HDAC4: variants seen among roughly 807,000 people sequenced by gnomAD.
The protein encoded by HDAC4 is histone deacetylase 4, also known as histone deacetylase A.
Under a neutral mutation model 135.1 loss-of-function variants are expected in HDAC4, and 16 were observed. The ratio of observed to expected loss-of-function variants is 0.12; its 90% CI spans 0.08 to 0.18. The LOEUF is 0.18. HDAC4 is among the 10% of genes least tolerant of loss of function. The pLI is 1.00. For synonymous variants in HDAC4, 685 were observed against 653.4 expected, an observed-to-expected ratio of 1.05 and a Z score of -0.74; for missense variants, 1,143 against 1,511.8, an observed-to-expected ratio of 0.76 and a Z score of 4.05.
chr2:239,227,444 AG>A (rs1575463256), intron 3 of HDAC4, among the ~76,000 whole-genome samples: 1 of 152,156 alleles, frequency 6.6e-6, no homozygotes, highest in Non-Finnish European at 1.5e-5. Context: ...GGGACCGGGC[AG>A]CCCCCAGCGG....
intron 3 of HDAC4, among the ~76,000 whole-genome samples, chr2:239,193,321 G>A (rs1251490921): frequency 2.0e-5 from 3 of 152,220 alleles, no homozygotes; most frequent in East Asian, 1.9e-4. Flanking sequence ...TTTAAAAACC[G>A]AACATAAAAC....
intron 3 of HDAC4, among the ~76,000 whole-genome samples, chr2:239,190,813 A>G (rs59173578): frequency 0.04 from 6,081 of 152,344 alleles, 404 homozygotes; most frequent in African/African-American, 0.14. Flanking sequence ...GAGGAACAGA[A>G]GCTGAATCAA....
At chr2:239,212,263 G>A (rs887761505) in intron 3 of HDAC4, among the ~76,000 whole-genome samples, 2 of 152,042 alleles carry the variant, frequency 1.3e-5, no homozygotes, top group African/African-American at 4.8e-5. Flanking sequence ...TTCTACCCAC[G>A]GCCTCCTGGC....
At chr2:239,062,244 C>T (rs576348858) in intron 24 of HDAC4, among the ~76,000 whole-genome samples, 38 of 152,386 alleles carry the variant, frequency 2.5e-4, no homozygotes, top group East Asian at 7.7e-4. Flanking sequence ...GCTCTGATAG[C>T]GGGGACGCCA....
At chr2:239,298,252 C>T (rs1362898484) in intron 2 of HDAC4, 6 of 1,286,910 alleles carry the variant, frequency 4.7e-6, no homozygotes, top group Non-Finnish European at 4.1e-6. Context: ...CAAATCCAGG[C>T]TTGACGACAG....
rs1401754368 is a variant in HDAC4 at position 239,141,597 on chromosome 2, C to T, written c.866-1801G>A. ...AAGCAGGACCCGCCTTCTCCAGGCC[C>T]CTCCAACTCTCCCATCTCTGCCCCA... On this transcript the variant is annotated intron_variant, in intron 8 of 26. Transcript: ENST00000543185. This position sits in a 1 kb window ranked among gnomAD's most constrained non-coding sequence, Gnocchi z 4.9. 6.6e-6 allele frequency among the ~76,000 whole-genome samples: 1 copy of T among 152,142 alleles called. No individual in the cohort carries two copies. The highest frequency in any genetic ancestry group is 1.5e-5 in the Non-Finnish European group (1 of 68,022).
At chr2:239,097,895 G>A (rs1429701368) in intron 16 of HDAC4, among the ~76,000 whole-genome samples, 4 of 152,218 alleles carry the variant, frequency 2.6e-5, no homozygotes, top group Non-Finnish European at 4.4e-5. Flanking sequence ...CGTGGGCCAC[G>A]TCCTTCCATC....
chr2:239,273,478 C>A (rs1017557536), intron 2 of HDAC4, among the ~76,000 whole-genome samples: 2 of 152,208 alleles, frequency 1.3e-5, no homozygotes, highest in African/African-American at 2.4e-5. Context: ...TTCCTCTCTG[C>A]AGAAGTCTTT....
At position 239,053,620 on chromosome 2, in the gene HDAC4, G is replaced by C; in HGVS notation, c.3089-19C>G. On this transcript the variant is annotated intron_variant, in intron 25 of 26. Coordinates refer to ENST00000543185, the MANE Select transcript of HDAC4 (RefSeq NM_001378414.1). ...TACTTGCCTGGGGTGGTGGGGTGAGGAAAGTCGCTCAGTGACTACAACTTA... is the reference window on the plus strand; with the variant it reads ...TACTTGCCTGGGGTGGTGGGGTGAGCAAAGTCGCTCAGTGACTACAACTTA... 1 of 1,612,116 alleles carries C rather than the reference G, an allele frequency of 6.2e-7. No individual in the cohort carries two copies. The highest frequency in any genetic ancestry group is 8.5e-7 in the Non-Finnish European group (1 of 1,179,430).
Position 239,375,974 on chromosome 2 carries a change from G to A in HDAC4, c.-219-23056C>T, listed in dbSNP as rs144508117. Among the ~76,000 whole-genome samples the A allele has an allele frequency of 1.3e-4, 20 of 152,354 alleles. No homozygotes were observed. The East Asian group carries it at 2.9e-3, about 22-fold the overall frequency. ...ATGTCCTGTCCACAGCCTGCTGGACGCCCTGGGGCCAGCCTCGTCTGACTC... is the reference window on the plus strand; with the variant it reads ...ATGTCCTGTCCACAGCCTGCTGGACACCCTGGGGCCAGCCTCGTCTGACTC... On this transcript the variant is annotated intron_variant, in intron 1 of 26. Coordinates refer to ENST00000543185, the MANE Select transcript of HDAC4 (RefSeq NM_001378414.1).
At chr2:239,213,295 G>A (rs947473133) in intron 3 of HDAC4, among the ~76,000 whole-genome samples, 5 of 152,202 alleles carry the variant, frequency 3.3e-5, no homozygotes, top group Admixed American at 3.3e-4. Context: ...GCTGAAGGGT[G>A]AGCCGTGGCG....
chr2:239,054,625 G>A (rs1488812383), intron 25 of HDAC4, 124 bp downstream of exon 25: 1 of 755,440 alleles, frequency 1.3e-6, no homozygotes. Flanking sequence ...TCTGCTGCAG[G>A]CCTGGGGAAG....
At chr2:239,361,282 A>G (rs891450693) in intron 1 of HDAC4, among the ~76,000 whole-genome samples, 2 of 152,170 alleles carry the variant, frequency 1.3e-5, no homozygotes, top group African/African-American at 2.4e-5. Context: ...ACTACCTCAC[A>G]GGGGGCTGAA....
chr2:239,162,212 A>G (rs773979028), intron 6 of HDAC4: 1 of 456,110 alleles, frequency 2.2e-6, no homozygotes. Context: ...TGCTTGCCCC[A>G]CTCCTATCAC....
intron 2 of HDAC4, among the ~76,000 whole-genome samples, chr2:239,263,820 C>A (rs903651218): frequency 3.3e-5 from 5 of 152,146 alleles, no homozygotes; most frequent in African/African-American, 4.8e-5. Flanking sequence ...CCCAGCTGTC[C>A]GACTCGGCTG....
chr2:239,181,131 C>T (rs368359859), intron 4 of HDAC4, among the ~76,000 whole-genome samples: 4 of 152,234 alleles, frequency 2.6e-5, no homozygotes, highest in South Asian at 4.1e-4. Flanking sequence ...CAGGACCTGC[C>T]GGCTCTCCTC....
chr2:239,290,750 T>G (rs540970314), intron 2 of HDAC4, among the ~76,000 whole-genome samples: 4 of 151,928 alleles, frequency 2.6e-5, no homozygotes, highest in Non-Finnish European at 5.9e-5. Context: ...GCGCACGCAC[T>G]CACACACACA....
intron 1 of HDAC4, among the ~76,000 whole-genome samples, chr2:239,380,232 G>C (rs1487162181): frequency 1.3e-5 from 2 of 152,254 alleles, no homozygotes; most frequent in Non-Finnish European, 2.9e-5. Context: ...GCTCTGCAAT[G>C]GCCCGCGTCT....
intron 2 of HDAC4, among the ~76,000 whole-genome samples, chr2:239,254,261 G>A (rs1048348115): frequency 6.6e-6 from 1 of 152,114 alleles, no homozygotes; most frequent in Non-Finnish European, 1.5e-5. Flanking sequence ...AGGGAGGAAA[G>A]TCCCCTGCTG....
Sources: gnomAD v4.1 joint callset for allele counts (sites outside exome capture counted in the v4.1 genomes callset) on GRCh38, gnomAD v4.1.1 for gene constraint, Gnocchi (gnomAD v3.1) non-coding constraint, MANE v1.5 for transcripts, NCBI Gene and HGNC (gene_info 2026-07-23, HGNC 2026-07-21) for gene names.